PCCA: variants seen among roughly 807,000 people sequenced by gnomAD.
PCCA encodes propionyl-CoA carboxylase subunit alpha, also known as propionyl-CoA carboxylase alpha chain, mitochondrial.
PCCA carries 74 observed loss-of-function variants against 101.3 expected under a neutral mutation model. The observed-to-expected ratio is 0.73, with a 90% CI of 0.61 to 0.89. The LOEUF (loss-of-function observed/expected upper bound fraction) is 0.89. Among genes scored for constraint, PCCA ranks in the 40% least tolerant of loss-of-function variants. The pLI is 0.00. For missense variants in PCCA, 891 were observed against 907.0 expected, an observed-to-expected ratio of 0.98 and a Z score of 0.23; for synonymous variants, 294 against 313.6, an observed-to-expected ratio of 0.94 and a Z score of 0.66.
rs201699136 is a variant in PCCA, at chr13:100,530,131, G to A, written c.2152G>A (p.Val718Ile). The change falls in exon 24 of 24, where the codon GTT (valine) becomes ATT (isoleucine). Residue 718 changes from valine (V) to isoleucine (I), a missense_variant. Transcript: ENST00000376285. ...KSVHCQAGDT[V>I]GEGDLLVELE ...TGTGCACTGTCAAGCTGGAGACACAGTTGGAGAAGGGGATCTGCTCGTGGA... is the reference window on the plus strand; with the variant it reads ...TGTGCACTGTCAAGCTGGAGACACAATTGGAGAAGGGGATCTGCTCGTGGA... The A allele has an allele frequency of 1.9e-6, 3 of 1,614,158 alleles. No homozygotes were observed. The highest frequency in any genetic ancestry group is 1.7e-6 in the Non-Finnish European group (2 of 1,179,968).
In PCCA at chr13:100,309,920, GAT is replaced by G. The variant is rs749928747; in HGVS notation, c.1429+13_1429+14del. The stretch of plus-strand genomic sequence containing the variant: ...CTATGTTATTCGAGGTAAAAACAAA[GAT>G]TTGCACTCGTTGGTTATTGTATATG... On this transcript the variant is annotated intron_variant, in intron 16 of 23. Coordinates refer to ENST00000376285, the MANE Select transcript of PCCA (RefSeq NM_000282.4). 2.5e-6 allele frequency: 4 copies of G among 1,592,558 alleles called. No individual in the cohort carries two copies. The highest frequency in any genetic ancestry group is 2.7e-5 in the African/African-American group (2 of 74,620).
At chr13:100,250,709 GT>G (rs918967442) in intron 8 of PCCA, among the ~76,000 whole-genome samples, 19 of 152,096 alleles carry the variant, frequency 1.2e-4, no homozygotes, top group Non-Finnish European at 2.4e-4. Flanking sequence ...CATTGTAAAT[GT>G]TACATTGTGT....
chr13:100,152,206 G>A (rs1488944621), intron 4 of PCCA, among the ~76,000 whole-genome samples: 2 of 152,096 alleles, frequency 1.3e-5, no homozygotes, highest in African/African-American at 4.8e-5. Context: ...AATGTACCCT[G>A]CCCCCTGAAG....
intron 19 of PCCA, among the ~76,000 whole-genome samples, chr13:100,380,080 C>T (rs1049039413): frequency 6.6e-6 from 1 of 151,882 alleles, no homozygotes; most frequent in Non-Finnish European, 1.5e-5. Flanking sequence ...CAAAAAAACA[C>T]GCCAGTCACA....
At chr13:100,191,994 G>A (rs771895758) in intron 6 of PCCA, among the ~76,000 whole-genome samples, 2 of 152,170 alleles carry the variant, frequency 1.3e-5, no homozygotes, top group Non-Finnish European at 2.9e-5. Context: ...CAAATCTCAG[G>A]TGATCTGAAC....
chr13:100,500,879 C>T (rs2085613993), intron 21 of PCCA, among the ~76,000 whole-genome samples: 1 of 152,238 alleles, frequency 6.6e-6, no homozygotes, highest in African/African-American at 2.4e-5. Context: ...CGCAGTGGCT[C>T]ACGCCTGTAA....
intron 6 of PCCA, among the ~76,000 whole-genome samples, chr13:100,180,829 C>G (rs781406092): frequency 6.6e-6 from 1 of 152,230 alleles, no homozygotes; most frequent in Non-Finnish European, 1.5e-5. Context: ...GTGAAGTTTG[C>G]TTTGCCAACA....
chr13:100,136,946 T>C (rs563606423), intron 4 of PCCA, among the ~76,000 whole-genome samples: 1 of 152,148 alleles, frequency 6.6e-6, no homozygotes, highest in Admixed American at 6.5e-5. Context: ...TATTTTGCTT[T>C]TCTTTTTCTG....
intron 18 of PCCA, among the ~76,000 whole-genome samples, chr13:100,343,949 C>T (rs963871101): frequency 6.6e-6 from 1 of 152,196 alleles, no homozygotes; most frequent in African/African-American, 2.4e-5. Flanking sequence ...GTGGCGCATG[C>T]CTGTAGTCCC....
In PCCA at chr13:100,394,542, T is replaced by C. The variant is rs2076958284; in HGVS notation, c.1746+25968T>C. Among the ~76,000 whole-genome samples, 1 of 152,108 alleles carries C rather than the reference T, an allele frequency of 6.6e-6. No homozygotes were observed. ...CTTGAGTAATTCCCTAAACCCAAAA[T>C]ATAAGATAGAAACCAGTAACTGAAT... is the stretch of plus-strand genomic sequence containing the variant. On this transcript the variant is annotated intron_variant, in intron 19 of 23. Coordinates refer to ENST00000376285, the MANE Select transcript of PCCA (RefSeq NM_000282.4). The surrounding 1 kb of genome is among the most constrained non-coding windows in gnomAD (Gnocchi z 4.3).
intron 19 of PCCA, among the ~76,000 whole-genome samples, chr13:100,416,315 G>A (rs1397262202): frequency 1.3e-5 from 2 of 151,764 alleles, no homozygotes; most frequent in Non-Finnish European, 2.9e-5. Context: ...TTGAGTAGCT[G>A]GGATTACAGG....
At chr13:100,283,285 C>T (rs868364889) in intron 12 of PCCA, among the ~76,000 whole-genome samples, 9 of 152,268 alleles carry the variant, frequency 5.9e-5, no homozygotes, top group African/African-American at 1.7e-4. Context: ...GGGACAAATT[C>T]CCTACCGGTC....
At chr13:100,417,878 T>C (rs1283280) in intron 19 of PCCA, among the ~76,000 whole-genome samples, 64,526 of 151,904 alleles carry the variant, frequency 0.42, 15,102 homozygotes, top group East Asian at 0.64. Context: ...CTTTCCTCCT[T>C]GTGTCATTCA....
intron 21 of PCCA, among the ~76,000 whole-genome samples, chr13:100,467,846 G>A (rs2082657072): frequency 6.6e-6 from 1 of 152,324 alleles, no homozygotes; most frequent in South Asian, 2.1e-4. Context: ...CTCTTCCCAT[G>A]TGAATTCAAC....
chr13:100,446,463 T>G (rs555678808), intron 20 of PCCA, among the ~76,000 whole-genome samples: 1 of 152,376 alleles, frequency 6.6e-6, no homozygotes, highest in South Asian at 2.1e-4. Flanking sequence ...ACTATGCATT[T>G]ATCGTATTGA....
intron 10 of PCCA, among the ~76,000 whole-genome samples, chr13:100,263,663 G>C (rs192496810): frequency 5.9e-4 from 90 of 152,176 alleles, no homozygotes; most frequent in African/African-American, 1.4e-3. Context: ...TATATAATCA[G>C]TTGGATGTTT....
chr13:100,113,196 C>T (rs917211280), intron 4 of PCCA, among the ~76,000 whole-genome samples: 3 of 152,142 alleles, frequency 2.0e-5, no homozygotes, highest in Non-Finnish European at 4.4e-5. Flanking sequence ...TCCTCCTGTG[C>T]TACAAACCTG....
intron 22 of PCCA, among the ~76,000 whole-genome samples, chr13:100,525,813 G>A (rs1194401039): frequency 6.6e-6 from 1 of 152,236 alleles, no homozygotes; most frequent in Non-Finnish European, 1.5e-5. Flanking sequence ...TGCAGAGGAA[G>A]GGCTGGGTGG....
chr13:100,123,632 TG>T (rs11439395), intron 4 of PCCA, among the ~76,000 whole-genome samples: 1,680 of 151,442 alleles, frequency 0.011, 12 homozygotes, highest in Non-Finnish European at 0.018. Flanking sequence ...AACAACATAA[TG>T]GGGGGGGATT....
Sources: gnomAD v4.1 joint callset for allele counts (sites outside exome capture counted in the v4.1 genomes callset) on GRCh38, gnomAD v4.1.1 for gene constraint, Gnocchi (gnomAD v3.1) non-coding constraint, MANE v1.5 for transcripts, NCBI Gene and HGNC (gene_info 2026-07-23, HGNC 2026-07-21) for gene names.